Variants in TSACC observed in about 807,000 individuals in gnomAD.
The protein encoded by TSACC is TSSK6-activating co-chaperone protein.
Under a neutral mutation model 6.9 loss-of-function variants are expected in TSACC, and 3 were observed. That is an observed-to-expected ratio of 0.43 (90% CI 0.20 to 1.12). The LOEUF (loss-of-function observed/expected upper bound fraction) is 1.12. Ranked by LOEUF, TSACC falls within the 50% of genes most tolerant of loss-of-function variation. The pLI is 0.28. For missense variants in TSACC, 137 were observed against 143.9 expected (o/e 0.95, Z 0.24); for synonymous variants, 54 against 55.1 (o/e 0.98, Z 0.09).
intron 3 of TSACC, among the ~76,000 whole-genome samples, chr1:156,345,290 C>T (rs937402935): frequency 4.6e-5 from 7 of 152,224 alleles, no homozygotes; most frequent in Admixed American, 2.6e-4. Context: ...TGGCTGGGCA[C>T]GGTAGCTCAT....
intron 3 of TSACC, among the ~76,000 whole-genome samples, chr1:156,346,081 C>T (rs1666155504): frequency 6.6e-6 from 1 of 150,450 alleles, no homozygotes; most frequent in Non-Finnish European, 1.5e-5. Flanking sequence ...GTAATCCCAG[C>T]TACTCAGGAA....
upstream of TSACC, chr1:156,337,909 G>T: frequency 3.6e-6 from 2 of 555,050 alleles, no homozygotes; most frequent in Non-Finnish European, 6.4e-6. Flanking sequence ...GTGGGAAAGA[G>T]CTTCCCAAGA....
chr1:156,344,514 C>A, intron 2 of TSACC, 66 bp from the exon 3 acceptor site: 2 of 1,573,790 alleles, frequency 1.3e-6, no homozygotes, highest in South Asian at 1.1e-5. Context: ...GGACCAGGTG[C>A]AGGGATCTAA....
At chr1:156,338,488 T>C (rs1175186200), upstream of TSACC, 1 of 525,548 alleles carries the variant, frequency 1.9e-6, no homozygotes, top group Non-Finnish European at 3.4e-6. Flanking sequence ...CCCGGCCGCG[T>C]GCAGCGCGAA....
At chr1:156,339,908 A>G (rs1009629694) in intron 2 of TSACC, 117 bp downstream of exon 2, 5 of 1,003,058 alleles carry the variant, frequency 5.0e-6, no homozygotes, top group Non-Finnish European at 6.1e-6. Context: ...GTTAAATAGT[A>G]GATGCTCAGT....
chr1:156,344,496 G>A (rs1666058781), intron 2 of TSACC, 84 bp from the exon 3 acceptor site: 1 of 1,535,592 alleles, frequency 6.5e-7, no homozygotes, highest in South Asian at 1.2e-5. Context: ...CTGGGCACCT[G>A]CTTTCATGGA....
At chr1:156,342,564 C>T (rs909194006) in intron 2 of TSACC, among the ~76,000 whole-genome samples, 12 of 152,244 alleles carry the variant, frequency 7.9e-5, no homozygotes, top group South Asian at 2.1e-4. Context: ...TTTCACACTT[C>T]TGCCCCCAGG....
At position 156,344,671 on chromosome 1, in the gene TSACC, C is replaced by T. The variant is rs1306335738; in HGVS notation, c.126C>T (p.Ala42=). Reference sequence around the variant, plus strand: ...ATCTTCAAGCAAGTTCCCCACCAGCCACTTTTCTGAACATCCAGACAACAA... The same window carrying T: ...ATCTTCAAGCAAGTTCCCCACCAGCTACTTTTCTGAACATCCAGACAACAA... ...YINLQASSPP[A]TFLNIQTTKL... is the part of the protein sequence containing the mutation. Residue 42 remains alanine, a synonymous_variant, in exon 3 of 4, where the codon GCC becomes GCT. Transcript: ENST00000368254. 5.0e-6 allele frequency: 8 copies of T among 1,614,110 alleles called. No individual in the cohort carries two copies. The highest frequency in any genetic ancestry group is 6.8e-6 in the Non-Finnish European group (8 of 1,180,002).
upstream of TSACC, chr1:156,338,312 A>C: frequency 1.1e-6 from 1 of 879,218 alleles, no homozygotes; most frequent in Non-Finnish European, 1.8e-6. Flanking sequence ...CGCTACTCTC[A>C]AGGTAGTCGC....
intron 2 of TSACC, among the ~76,000 whole-genome samples, chr1:156,341,654 A>C (rs1665889814): frequency 6.6e-6 from 1 of 152,174 alleles, no homozygotes; most frequent in Non-Finnish European, 1.5e-5. Flanking sequence ...CAGCTCCTTT[A>C]GTATAGAGTG....
rs1324275606 is a variant in TSACC at position 156,339,724 on chromosome 1, T to G, written c.-34T>G. ...GATTGTTGATCATCTGATGCTATGA[T>G]TCTTTCCCAGGCACCACACCTGTTG... is the stretch of plus-strand genomic sequence containing the variant. On this transcript the variant is annotated 5_prime_UTR_variant, in exon 2 of 4. Coordinates refer to ENST00000368254, the MANE Select transcript of TSACC (RefSeq NM_001304817.2). 6.2e-7 allele frequency: 1 copy of G among 1,613,578 alleles called. No individual in the cohort carries two copies. Among genetic ancestry groups the G allele is most frequent in the Non-Finnish European group, 8.5e-7 (1 of 1,179,760 alleles).
intron 2 of TSACC, 74 bp from the exon 3 acceptor site, chr1:156,344,506 A>G: frequency 6.4e-7 from 1 of 1,554,772 alleles, no homozygotes; most frequent in Non-Finnish European, 8.7e-7. Flanking sequence ...GCTTTCATGG[A>G]CCAGGTGCAG....
intron 3 of TSACC, among the ~76,000 whole-genome samples, chr1:156,345,562 TCAAAA>T (rs1218024092): frequency 1.4e-5 from 2 of 138,340 alleles, no homozygotes; most frequent in Non-Finnish European, 3.1e-5. Context: ...AAACTCCATC[TCAAAA>T]CAAACAAAAG....
chr1:156,339,337 C>T (rs2101696999), intron 1 of TSACC, among the ~76,000 whole-genome samples: 1 of 151,958 alleles, frequency 6.6e-6, no homozygotes, highest in East Asian at 1.9e-4. Context: ...TCCCGCTGTC[C>T]TGAGTCTTAG....
At chr1:156,344,480 C>A in intron 2 of TSACC, 100 bp from the exon 3 acceptor site, 1 of 1,468,990 alleles carries the variant, frequency 6.8e-7, no homozygotes, top group South Asian at 1.3e-5. Flanking sequence ...ATATTCACGG[C>A]AGGGCCTGGG....
chr1:156,339,763 G>A lies in TSACC; in HGVS notation c.6G>A (p.Glu2=). 6.2e-7 allele frequency: 1 copy of A among 1,614,154 alleles called. No homozygotes were observed. The highest frequency in any genetic ancestry group is 8.5e-7 in the Non-Finnish European group (1 of 1,180,014). Residue 2 remains glutamate (E), a synonymous_variant, in exon 2 of 4, where the codon GAG becomes GAA. Transcript: ENST00000368254. ...CCACACCTGTTGGTGTTCAGATGGA[G>A]CGGCACACTAGTCATCCTAACAGAA... The part of the protein sequence containing the change: M[E]RHTSHPNRKV...
At chr1:156,338,279 T>C, upstream of TSACC, 3 of 1,272,456 alleles carry the variant, frequency 2.4e-6, no homozygotes, top group South Asian at 1.3e-5. Flanking sequence ...AAACGCTGCC[T>C]CCTCAGGGCT....
chr1:156,342,332 C>G (rs1456744465), intron 2 of TSACC, among the ~76,000 whole-genome samples: 3 of 152,060 alleles, frequency 2.0e-5, no homozygotes, highest in African/African-American at 2.4e-5. Flanking sequence ...ACCCAGTAAC[C>G]CAGTGCAAAA....
At chr1:156,337,825 G>A, upstream of TSACC, 1 of 413,008 alleles carries the variant, frequency 2.4e-6, no homozygotes, top group Non-Finnish European at 4.4e-6. Context: ...TATTCGTGCA[G>A]CTACATAGCG....
Sources: gnomAD v4.1 joint callset for allele counts (sites outside exome capture counted in the v4.1 genomes callset) on GRCh38, gnomAD v4.1.1 for gene constraint, MANE v1.5 for transcripts, NCBI Gene and HGNC (gene_info 2026-07-23, HGNC 2026-07-21) for gene names.